AGO3: variants seen among roughly 807,000 people sequenced by gnomAD.
AGO3 encodes protein argonaute-3.
AGO3 carries 16 observed loss-of-function variants against 105.5 expected under a neutral mutation model. That is an observed-to-expected ratio of 0.15 (90% confidence interval 0.10 to 0.23). The LOEUF is 0.23. Ranked by LOEUF, AGO3 falls within the 10% of genes least tolerant of loss-of-function variation. AGO3 has a pLI of 1.00. For missense variants in AGO3, 534 were observed against 1,088.0 expected, an observed-to-expected ratio of 0.49 and a Z score of 7.16; for synonymous variants, 340 against 367.3, an observed-to-expected ratio of 0.93 and a Z score of 0.85.
chr1:36,019,810 C>T (rs1475904767), intron 11 of AGO3, among the ~76,000 whole-genome samples: 1 of 151,790 alleles, frequency 6.6e-6, no homozygotes, highest in African/African-American at 2.4e-5. Context: ...ACTCTGTCAC[C>T]CAGGCTAGAG....
rs112917130 is a variant in AGO3, at chr1:35,958,583, G to A, written c.192-8372G>A. On this transcript the variant is annotated intron_variant, in intron 2 of 18. Coordinates refer to ENST00000373191, the MANE Select transcript of AGO3 (RefSeq NM_024852.4). ...GGTTGAGACAGGAGAATGGCTTGAGGCAGAGGTTGCTGTGAGCTGAGATTG... is the reference window on the plus strand; with the variant it reads ...GGTTGAGACAGGAGAATGGCTTGAGACAGAGGTTGCTGTGAGCTGAGATTG... 9.4e-3 allele frequency among the ~76,000 whole-genome samples: 1,420 copies of A among 151,594 alleles called. 23 individuals are homozygous for A. Among genetic ancestry groups the A allele is most frequent in the African/African-American group, 0.032 (1,327 of 41,256 alleles).
rs550652103 is a variant in AGO3 at position 35,975,739 on chromosome 1, G to A, written c.658+2228G>A. ...GAAATTCCTTGTTTAGATCCAGTGAGTGGGAGAGGACAGATTGTTATTTTT... is the reference window on the plus strand; with the variant it reads ...GAAATTCCTTGTTTAGATCCAGTGAATGGGAGAGGACAGATTGTTATTTTT... On this transcript the variant is annotated intron_variant, in intron 5 of 18. Coordinates refer to ENST00000373191, the MANE Select transcript of AGO3 (RefSeq NM_024852.4). Among the ~76,000 whole-genome samples, 129 of 152,222 alleles carry A rather than the reference G, an allele frequency of 8.5e-4. 1 individual carries two copies. The highest frequency in any genetic ancestry group is 3.1e-3 in the African/African-American group (127 of 41,548).
chr1:36,043,652 A>G, intron 17 of AGO3, 104 bp downstream of exon 17: 1 of 955,446 alleles, frequency 1.0e-6, no homozygotes. Flanking sequence ...TTTGCATTCC[A>G]AATTGTTTCC....
intron 2 of AGO3, among the ~76,000 whole-genome samples, chr1:35,965,244 C>T (rs1252752365): frequency 1.3e-5 from 2 of 152,006 alleles, no homozygotes; most frequent in Non-Finnish European, 2.9e-5. Context: ...CTAATCCCAG[C>T]ACTTTAGGAG....
At chr1:35,938,261 G>A (rs919050515) in intron 1 of AGO3, among the ~76,000 whole-genome samples, 4 of 152,020 alleles carry the variant, frequency 2.6e-5, no homozygotes, top group Non-Finnish European at 5.9e-5. Context: ...TGGGATTACA[G>A]GTATGAGCCA....
chr1:36,050,832 CGTTTTGTTTT>C lies in AGO3; in HGVS notation c.2275-4089_2275-4080del, dbSNP rs113654282. On this transcript the variant is annotated intron_variant, in intron 17 of 18. Coordinates refer to ENST00000373191, the MANE Select transcript of AGO3 (RefSeq NM_024852.4). Reference sequence around the variant, plus strand: ...AAAAGATACTTGATTTGATTTCTTTCGTTTTGTTTTGTTTTGTTTTGTTTTGTTTTGTTTG... The same window carrying C: ...AAAAGATACTTGATTTGATTTCTTTCGTTTTGTTTTGTTTTGTTTTGTTTG... Among the ~76,000 whole-genome samples the C allele has an allele frequency of 4.2e-4, 61 of 146,254 alleles. 1 individual carries two copies. Among genetic ancestry groups the C allele is most frequent in the African/African-American group, 8.3e-4 (33 of 39,854 alleles).
intron 17 of AGO3, among the ~76,000 whole-genome samples, chr1:36,052,567 A>G (rs1642760510): frequency 6.6e-6 from 1 of 152,174 alleles, no homozygotes; most frequent in Non-Finnish European, 1.5e-5. Flanking sequence ...TCCTGGCACA[A>G]TGTTTGAGGC....
chr1:35,979,623 T>A (rs1647014915), intron 5 of AGO3, among the ~76,000 whole-genome samples: 1 of 152,154 alleles, frequency 6.6e-6, no homozygotes, highest in African/African-American at 2.4e-5. Context: ...TTCTGTTTCT[T>A]CTTTTATCTC....
intron 2 of AGO3, among the ~76,000 whole-genome samples, chr1:35,964,709 TC>T (rs1241241915): frequency 6.6e-6 from 1 of 152,204 alleles, no homozygotes; most frequent in Non-Finnish European, 1.5e-5. Context: ...CACACTGCTT[TC>T]CACAATGGTT....
At chr1:35,934,693 T>G (rs1265084787) in intron 1 of AGO3, among the ~76,000 whole-genome samples, 1 of 152,098 alleles carries the variant, frequency 6.6e-6, no homozygotes, top group African/African-American at 2.4e-5. Flanking sequence ...CTCTGTCGCC[T>G]AGGCTGGAGT....
At chr1:35,998,666 T>A (rs2148803156) in intron 5 of AGO3, among the ~76,000 whole-genome samples, 1 of 152,308 alleles carries the variant, frequency 6.6e-6, no homozygotes, top group Non-Finnish European at 1.5e-5. Context: ...TTTGCTCATG[T>A]CCTTTGCCAC....
intron 11 of AGO3, among the ~76,000 whole-genome samples, chr1:36,021,882 CTCT>C (rs917446746): frequency 2.6e-4 from 40 of 152,100 alleles, no homozygotes; most frequent in African/African-American, 8.4e-4. Context: ...TCTTTCCTCT[CTCT>C]TTTTTTTTGT....
rs372577355 is a variant in AGO3, at chr1:35,942,547, TTTTAA to T, written c.20-3144_20-3140del. ...ATCTTTTTGTATGTATGTGGAAGTA[TTTTAA>T]ATTGTGGATTTAATTTATTTGGAGG... On this transcript the variant is annotated intron_variant, in intron 1 of 18. Coordinates refer to ENST00000373191, the MANE Select transcript of AGO3 (RefSeq NM_024852.4). Among the ~76,000 whole-genome samples, 54 of 152,302 alleles carry T rather than the reference TTTTAA, an allele frequency of 3.5e-4. 4 individuals carry two copies. The East Asian group carries it at 0.01, about 29-fold the overall frequency.
At chr1:36,003,709 A>AAAAAAAATATATATATATAT (rs1295618675) in intron 5 of AGO3, among the ~76,000 whole-genome samples, 9 of 99,438 alleles carry the variant, frequency 9.1e-5, no homozygotes, top group Non-Finnish European at 1.4e-4. Flanking sequence ...AAAAAAAAAA[A>AAAAAAAATATATATATATAT]ATATATATAT....
intron 6 of AGO3, chr1:36,005,816 A>G: frequency 1.0e-6 from 1 of 985,322 alleles, no homozygotes; most frequent in Non-Finnish European, 1.2e-6. Context: ...AAATGACTGA[A>G]AAAATGACTA....
In AGO3 at chr1:36,008,733, A is replaced by T; in HGVS notation, c.837A>T (p.Lys279Asn). ...CTCATTGTGGAACAATGAGACGGAAATACCGTGTTTGTAATGTAACAAGGA... is the reference window on the plus strand; with the variant it reads ...CTCATTGTGGAACAATGAGACGGAATTACCGTGTTTGTAATGTAACAAGGA... ...EVTHCGTMRRKYRVCNVTRRP... is the reference protein window; with the variant it reads ...EVTHCGTMRRNYRVCNVTRRP... The change falls in exon 7 of 19, where the codon AAA becomes AAT. Residue 279 changes from lysine (K) to asparagine (N), a missense_variant. Lys to Asn is a moderately conservative substitution (Grantham distance 94, BLOSUM62 0). Coordinates refer to ENST00000373191, the MANE Select transcript of AGO3 (RefSeq NM_024852.4). The surrounding 1 kb of genome is among the most constrained non-coding windows in gnomAD (Gnocchi z 5.1). The T allele has an allele frequency of 6.2e-7, 1 of 1,614,180 alleles. No individual in the cohort carries two copies. The highest frequency in any genetic ancestry group is 8.5e-7 in the Non-Finnish European group (1 of 1,180,040).
At chr1:35,944,023 C>A (rs933575887) in intron 1 of AGO3, among the ~76,000 whole-genome samples, 1 of 152,118 alleles carries the variant, frequency 6.6e-6, no homozygotes, top group African/African-American at 2.4e-5. Flanking sequence ...TTTATTCATT[C>A]ATCTATCAGT....
chr1:35,991,535 T>TTA (rs138153778), intron 5 of AGO3, among the ~76,000 whole-genome samples: 9,961 of 145,684 alleles, frequency 0.068, 825 homozygotes, highest in African/African-American at 0.2. Context: ...GGAGCAAATT[T>TTA]TATATATATA....
chr1:36,014,319 C>T (rs576078761), intron 11 of AGO3, among the ~76,000 whole-genome samples: 16 of 151,894 alleles, frequency 1.1e-4, no homozygotes, highest in Non-Finnish European at 2.1e-4. Flanking sequence ...CCACCACGCC[C>T]AGCTAATTTT....
Sources: allele counts gnomAD v4.1 joint callset (sites outside exome capture counted in the v4.1 genomes callset), GRCh38; gene constraint gnomAD v4.1.1; non-coding constraint Gnocchi (gnomAD v3.1); transcripts MANE v1.5; gene names NCBI Gene and HGNC (gene_info 2026-07-23, HGNC 2026-07-21).